Variants in C8orf89 observed in about 807,000 individuals in gnomAD.
The protein encoded by C8orf89 is putative uncharacterized protein C8orf89.
C8orf89 carries 14 observed loss-of-function variants against 15.8 expected under a neutral mutation model. The ratio of observed to expected loss-of-function variants is 0.89; its 90% CI spans 0.59 to 1.39. The LOEUF (loss-of-function observed/expected upper bound fraction) is 1.39, where lower values mean the gene tolerates loss of function less well. C8orf89 is among the 40% of genes most tolerant of loss of function. C8orf89 has a pLI of 0.00. For missense variants in C8orf89, 181 were observed against 184.5 expected (o/e 0.98, Z 0.11); for synonymous variants, 55 against 62.2 (o/e 0.88, Z 0.54).
chr8:73,277,922 T>C, the C8orf89 span: 1 of 672,650 alleles, frequency 1.5e-6, no homozygotes, highest in Non-Finnish European at 2.8e-6. Flanking sequence ...TGCCGCTTTC[T>C]GGGGCTTAGA....
upstream of C8orf89, among the ~76,000 whole-genome samples, chr8:73,260,589 G>C (rs1258017003): frequency 6.6e-6 from 1 of 152,130 alleles, no homozygotes; most frequent in Non-Finnish European, 1.5e-5. Context: ...TGCTATGATG[G>C]GGGGCAAAAA....
chr8:73,254,495 G>A (rs150046354), intron 2 of C8orf89, among the ~76,000 whole-genome samples: 1 of 152,306 alleles, frequency 6.6e-6, no homozygotes, highest in African/African-American at 2.4e-5. Context: ...TTCAGGGAAT[G>A]AGGCCTCCTC....
At chr8:73,283,884 A>G in the C8orf89 span, among the ~76,000 whole-genome samples, 1 of 152,038 alleles carries the variant, frequency 6.6e-6, no homozygotes, top group Admixed American at 6.5e-5. Flanking sequence ...TATTAAAAAT[A>G]CAAAAAAAAT....
chr8:73,263,952 C>T (rs544694571), upstream of C8orf89, among the ~76,000 whole-genome samples: 44 of 152,300 alleles, frequency 2.9e-4, no homozygotes, highest in South Asian at 5.2e-3. Context: ...CCAGTCCATA[C>T]ATCACTTTGT....
chr8:73,282,005 C>A, the C8orf89 span, among the ~76,000 whole-genome samples: 1 of 152,196 alleles, frequency 6.6e-6, no homozygotes, highest in African/African-American at 2.4e-5. Flanking sequence ...ACCAGGGACG[C>A]CTACCTTGAA....
At chr8:73,246,524 G>T (rs930057403) in intron 3 of C8orf89, among the ~76,000 whole-genome samples, 3 of 152,120 alleles carry the variant, frequency 2.0e-5, no homozygotes, top group African/African-American at 4.8e-5. Flanking sequence ...GATTACAGGC[G>T]CACACCACAA....
chr8:73,251,531 A>G (rs1216924015), intron 2 of C8orf89, among the ~76,000 whole-genome samples: 1 of 152,266 alleles, frequency 6.6e-6, no homozygotes, highest in Non-Finnish European at 1.5e-5. Context: ...TCCACTTTAT[A>G]TATGAAGAAC....
At chr8:73,277,137 A>C in the C8orf89 span, among the ~76,000 whole-genome samples, 1 of 152,142 alleles carries the variant, frequency 6.6e-6, no homozygotes, top group Non-Finnish European at 1.5e-5. Context: ...CAAATCTTCC[A>C]GGGTTTAGCT....
chr8:73,274,021 T>C, the C8orf89 span, among the ~76,000 whole-genome samples: 1 of 152,094 alleles, frequency 6.6e-6, no homozygotes, highest in Non-Finnish European at 1.5e-5. Flanking sequence ...TTCATCTAAT[T>C]TTTTTTACCA....
At chr8:73,270,865 T>C in the C8orf89 span, among the ~76,000 whole-genome samples, 1 of 152,224 alleles carries the variant, frequency 6.6e-6, no homozygotes, top group Non-Finnish European at 1.5e-5. Context: ...TTCCAAAATC[T>C]GAAAGCAATT....
intron 3 of C8orf89, among the ~76,000 whole-genome samples, chr8:73,245,437 A>G (rs1813103978): frequency 6.6e-6 from 1 of 152,234 alleles, no homozygotes; most frequent in Admixed American, 6.5e-5. Flanking sequence ...TTGAAAATTT[A>G]AAACATAGGT....
chr8:73,277,989 T>C, the C8orf89 span: 1 of 615,538 alleles, frequency 1.6e-6, no homozygotes, highest in Admixed American at 2.1e-5. Context: ...CCCAGGGCTC[T>C]TGCACCGAGG....
the C8orf89 span, chr8:73,277,766 C>A: frequency 1.4e-6 from 1 of 740,284 alleles, no homozygotes. Context: ...AGGACAGATC[C>A]GCAGCTTCCC....
At chr8:73,242,147 A>G (rs1480597723) in intron 3 of C8orf89, among the ~76,000 whole-genome samples, 1 of 152,212 alleles carries the variant, frequency 6.6e-6, no homozygotes, top group Non-Finnish European at 1.5e-5. Flanking sequence ...AAATGAGATC[A>G]CATCAAGTTA....
intron 1 of C8orf89, among the ~76,000 whole-genome samples, 189 bp downstream of exon 1, chr8:73,259,143 A>G (rs981641793): frequency 6.6e-6 from 1 of 152,170 alleles, no homozygotes; most frequent in Non-Finnish European, 1.5e-5. Flanking sequence ...ATTTGTTTCC[A>G]TCATGAGTCA....
At chr8:73,246,620 G>A (rs1281757783) in intron 3 of C8orf89, among the ~76,000 whole-genome samples, 1 of 152,116 alleles carries the variant, frequency 6.6e-6, no homozygotes, top group Non-Finnish European at 1.5e-5. Flanking sequence ...CTCATGATCT[G>A]CTCACCTCGG....
chr8:73,277,630 T>G, the C8orf89 span: 5 of 760,342 alleles, frequency 6.6e-6, no homozygotes, highest in African/African-American at 8.6e-5. Context: ...ACCATAGAAC[T>G]TTTTCTTTTC....
intron 3 of C8orf89, among the ~76,000 whole-genome samples, chr8:73,245,297 C>A (rs1484553725): frequency 6.6e-6 from 1 of 151,982 alleles, no homozygotes; most frequent in Non-Finnish European, 1.5e-5. Flanking sequence ...AATTATCAGT[C>A]AAAAAACAAA....
chr8:73,247,646 G>A (rs1813155994), intron 3 of C8orf89, among the ~76,000 whole-genome samples: 1 of 152,170 alleles, frequency 6.6e-6, no homozygotes, highest in Admixed American at 6.6e-5. Context: ...TGACTCATGT[G>A]AGATGGTATC....
Sources: gnomAD v4.1 joint callset for allele counts (sites outside exome capture counted in the v4.1 genomes callset) on GRCh38, gnomAD v4.1.1 for gene constraint, MANE v1.5 for transcripts, NCBI Gene and HGNC (gene_info 2026-07-23, HGNC 2026-07-21) for gene names.